Variants in FETUB observed in about 807,000 individuals in gnomAD.
FETUB encodes the protein fetuin-B.
FETUB carries 28 observed loss-of-function variants against 30.9 expected under a neutral mutation model. The ratio of observed to expected loss-of-function variants is 0.90; its 90% CI spans 0.67 to 1.24. FETUB has a LOEUF of 1.24. Ranked by LOEUF, FETUB falls within the 50% of genes most tolerant of loss-of-function variation. The pLI, the probability that FETUB is intolerant of heterozygous loss-of-function variation, is 0.00. For missense variants in FETUB, 469 were observed against 455.3 expected (o/e 1.03, Z -0.27); for synonymous variants, 186 against 175.9 (o/e 1.06, Z -0.45).
At chr3:186,639,771 C>T (rs1019483969), upstream of FETUB, among the ~76,000 whole-genome samples, 3 of 151,974 alleles carry the variant, frequency 2.0e-5, no homozygotes, top group African/African-American at 7.3e-5. Flanking sequence ...AATGAGCTTG[C>T]TTCCATACAT....
chr3:186,646,402 G>C lies in FETUB; in HGVS notation c.696+53G>C, dbSNP rs1717548739. ...TTGAGTGTTCACAGATCATCTCTAA[G>C]TGTTTGTGGAGCATAAATTACATAT... On this transcript the variant is annotated intron_variant, in intron 5 of 6. Coordinates refer to ENST00000265029, the MANE Select transcript of FETUB (RefSeq NM_014375.3). 2.3e-6 allele frequency: 3 copies of C among 1,322,622 alleles called. No homozygotes were observed. The South Asian group carries it at 3.6e-5, about 16-fold the overall frequency. 81.9% of individuals were successfully genotyped at this position (1,322,622 alleles called of 1,614,324 possible).
Position 186,642,258 on chromosome 3 carries a change from G to GC in FETUB, c.337-213_337-212insC, listed in dbSNP as rs1560020872. The GC allele has an allele frequency of 1.1e-4, 57 of 526,356 alleles. No homozygotes were observed. In the East Asian group the frequency reaches 1.7e-3, roughly 15 times the overall value. 32.6% of individuals were successfully genotyped at this position (526,356 alleles called of 1,614,324 possible). On this transcript the variant is annotated intron_variant, in intron 2 of 6. Coordinates refer to ENST00000265029, the MANE Select transcript of FETUB (RefSeq NM_014375.3). ...AGAACTCAATTATACACAGTCACAC[G>GC]TGTTGGGGAGGCTTGGAAACATATT...
intron 3 of FETUB, among the ~76,000 whole-genome samples, chr3:186,642,973 T>C (rs1044027354): frequency 2.6e-5 from 4 of 152,186 alleles, no homozygotes; most frequent in African/African-American, 9.6e-5. Flanking sequence ...CTTGTGCCTC[T>C]CCCTCTGCTG....
rs1717388575 is a variant in FETUB, at chr3:186,645,042, A to G, written c.594+122A>G. The stretch of plus-strand genomic sequence containing the variant: ...GATTAGAACCAAAATACCTTTCTCT[A>G]CTTTCCCCACTTTGATAGACCTGAT... On this transcript the variant is annotated intron_variant, in intron 4 of 6. Coordinates refer to ENST00000265029, the MANE Select transcript of FETUB (RefSeq NM_014375.3). The G allele has an allele frequency of 6.0e-6, 4 of 667,196 alleles. No homozygotes were observed. In the South Asian group the frequency reaches 9.2e-5, roughly 15 times the overall value. 41.3% of individuals were successfully genotyped at this position (667,196 alleles called of 1,614,324 possible). A position where few individuals can be genotyped will look rare whatever the true frequency, so the allele number is the denominator to read the frequency against.
chr3:186,640,773 C>A, intron 1 of FETUB, 88 bp downstream of exon 1: 2 of 1,101,004 alleles, frequency 1.8e-6, no homozygotes, highest in Non-Finnish European at 2.8e-6. Flanking sequence ...GACACCCTGG[C>A]AGGTGTTTTC....
chr3:186,647,786 T>C (rs1030317993), intron 5 of FETUB, among the ~76,000 whole-genome samples: 2 of 152,148 alleles, frequency 1.3e-5, no homozygotes, highest in African/African-American at 4.8e-5. Flanking sequence ...ATTCTCTGGG[T>C]TGTCTATTCA....
Position 186,641,140 on chromosome 3 carries a change from A to G in FETUB, c.336A>G (p.Ser112=). ...QDCGMRIFFE[S]VYGQCKAIFY... ...GTGGAATGAGGATATTTTTTGAATC[A>G]GTGAGTGCTTGTTTTTATAAACCAT... The change falls in exon 2 of 7, where the codon TCA becomes TCG. Residue 112 remains serine, a splice_region_variant and synonymous_variant. Transcript: ENST00000265029. The G allele has an allele frequency of 1.3e-6, 2 of 1,592,710 alleles. No individual in the cohort carries two copies. The highest frequency in any genetic ancestry group is 8.6e-7 in the Non-Finnish European group (1 of 1,161,386).
Position 186,641,062 on chromosome 3 carries a change from G to A in FETUB, c.258G>A (p.Leu86=). 1 of 1,613,782 alleles carries A rather than the reference G, an allele frequency of 6.2e-7. No individual in the cohort carries two copies. The highest frequency in any genetic ancestry group is 8.5e-7 in the Non-Finnish European group (1 of 1,179,730). ...TGGGATCTCTGTTCTATCTTACACTGGATGTGCTAGAGACTGACTGCCATG... is the reference window on the plus strand; with the variant it reads ...TGGGATCTCTGTTCTATCTTACACTAGATGTGCTAGAGACTGACTGCCATG... ...GGLGSLFYLT[L]DVLETDCHVL... Residue 86 remains leucine (L), a synonymous_variant, in exon 2 of 7, where the codon CTG becomes CTA. Coordinates refer to ENST00000265029, the MANE Select transcript of FETUB (RefSeq NM_014375.3).
rs1166958208 is a variant in FETUB, at chr3:186,652,825, C to A, written c.*194C>A. 1.7e-6 allele frequency: 1 copy of A among 601,078 alleles called. No individual in the cohort carries two copies. The highest frequency in any genetic ancestry group is 1.8e-5 in the African/African-American group (1 of 54,074). The allele number at this position is 601,078 out of a possible 1,614,324, so 37.2% of individuals were successfully genotyped here. A position where few individuals can be genotyped will look rare whatever the true frequency, so the allele number is the denominator to read the frequency against. ...GCCCTCGGCTTGGGCTGCACTCTAC[C>A]CTGTACACTGCCTTGTACCCTGAGC... On this transcript the variant is annotated 3_prime_UTR_variant, in exon 7 of 7. Transcript: ENST00000265029.
chr3:186,650,978 TAACA>T (rs761550541), intron 5 of FETUB, among the ~76,000 whole-genome samples: 3 of 152,238 alleles, frequency 2.0e-5, no homozygotes, highest in East Asian at 1.9e-4. Flanking sequence ...AGAATTTTTT[TAACA>T]AACAGAGTTT....
At chr3:186,639,134 C>A (rs7624794), upstream of FETUB, among the ~76,000 whole-genome samples, 698 of 152,196 alleles carry the variant, frequency 4.6e-3, 6 homozygotes, top group African/African-American at 0.016. Flanking sequence ...AGTCTAAGAT[C>A]GAGGGGCTAT....
At chr3:186,650,086 C>G (rs1717884862) in intron 5 of FETUB, among the ~76,000 whole-genome samples, 1 of 132,502 alleles carries the variant, frequency 7.5e-6, no homozygotes, top group South Asian at 2.3e-4. Flanking sequence ...ATCGGCTTCA[C>G]ATATTTGCTA....
chr3:186,652,220 C>A (rs1340861328), intron 6 of FETUB, 43 bp from the exon 7 acceptor site: 2 of 1,523,438 alleles, frequency 1.3e-6, no homozygotes, highest in Non-Finnish European at 1.8e-6. Context: ...CATGGGAGGA[C>A]TTTCCCTGTG....
chr3:186,649,713 C>T (rs951947053), intron 5 of FETUB, among the ~76,000 whole-genome samples: 6 of 152,174 alleles, frequency 3.9e-5, no homozygotes, highest in Non-Finnish European at 8.8e-5. Flanking sequence ...TCAAGTGATC[C>T]TCCTGCCTCA....
Position 186,642,463 on chromosome 3 carries a change from G to C in FETUB, c.337-8G>C, listed in dbSNP as rs2108519084. 6.5e-7 allele frequency: 1 copy of C among 1,538,622 alleles called. No individual in the cohort carries two copies. Among genetic ancestry groups the C allele is most frequent in the Non-Finnish European group, 8.9e-7 (1 of 1,119,156 alleles). ...CGCTATGTCATAAAATGCATTTGTTGGTTTCAGGTTTATGGTCAATGCAAA... is the reference window on the plus strand; with the variant it reads ...CGCTATGTCATAAAATGCATTTGTTCGTTTCAGGTTTATGGTCAATGCAAA... On this transcript the variant is annotated splice_region_variant and splice_polypyrimidine_tract_variant and intron_variant, in intron 2 of 6. Transcript: ENST00000265029.
At chr3:186,646,398 C>G (rs1156274000) in intron 5 of FETUB, 49 bp downstream of exon 5, 2 of 1,356,646 alleles carry the variant, frequency 1.5e-6, no homozygotes, top group Non-Finnish European at 2.1e-6. Context: ...CAGATCATCT[C>G]TAAGTGTTTG....
chr3:186,642,383 A>G, intron 2 of FETUB, 88 bp from the exon 3 acceptor site: 2 of 796,512 alleles, frequency 2.5e-6, no homozygotes, highest in Non-Finnish European at 4.2e-6. Flanking sequence ...AACTACTTTA[A>G]AAGAAAATGT....
chr3:186,640,065 G>A (rs1181113615), upstream of FETUB, among the ~76,000 whole-genome samples: 2 of 152,178 alleles, frequency 1.3e-5, no homozygotes, highest in Admixed American at 1.3e-4. Flanking sequence ...ATAACTATTA[G>A]AGTGGCCAAG....
At chr3:186,647,502 T>C (rs868338178) in intron 5 of FETUB, among the ~76,000 whole-genome samples, 27 of 152,220 alleles carry the variant, frequency 1.8e-4, no homozygotes, top group African/African-American at 6.5e-4. Context: ...CCAACACCTA[T>C]TATGATCTTT....
Sources: allele counts gnomAD v4.1 joint callset (sites outside exome capture counted in the v4.1 genomes callset), GRCh38; gene constraint gnomAD v4.1.1; transcripts MANE v1.5; gene names NCBI Gene and HGNC (gene_info 2026-07-23, HGNC 2026-07-21).